The following PCDHGA2 variants were observed in gnomAD, a reference collection of about 807,000 sequenced individuals.
PCDHGA2 encodes the protein protocadherin gamma-A2.
Under a neutral mutation model 59.2 loss-of-function variants are expected in PCDHGA2, and 40 were observed. The ratio of observed to expected loss-of-function variants is 0.68; its 90% confidence interval spans 0.52 to 0.88. The LOEUF (loss-of-function observed/expected upper bound fraction) is 0.88, where lower values mean the gene tolerates loss of function less well. PCDHGA2 is among the 40% of genes least tolerant of loss of function. The probability of loss-of-function intolerance (pLI) is 0.00; values close to 1 mark genes in which losing one functional copy is unlikely to be tolerated. For synonymous variants in PCDHGA2, 560 were observed against 526.0 expected, an observed-to-expected ratio of 1.06 and a Z score of -0.89; for missense variants, 1,226 against 1,204.0, an observed-to-expected ratio of 1.02 and a Z score of -0.27.
chr5:141,415,982 T>A lies in PCDHGA2; in HGVS notation c.2424+74587T>A, dbSNP rs531852883. The A allele has an allele frequency of 1.9e-4, 66 of 342,492 alleles. 1 individual carries two copies. Among genetic ancestry groups the A allele is most frequent in the African/African-American group, 1.3e-3 (59 of 46,668 alleles). 21.2% of individuals were successfully genotyped at this position (342,492 alleles called of 1,614,324 possible). A position where few individuals can be genotyped will look rare whatever the true frequency, so the allele number is the denominator to read the frequency against. ...AACTCCAGCCCCTTAAGCAACCCTC[T>A]TGTTCTGAAGGCAGGTCTGGTAAGA... On this transcript the variant is annotated intron_variant, in intron 1 of 3. Transcript: ENST00000394576.
At chr5:141,356,187 T>A in intron 1 of PCDHGA2, 1 of 1,611,210 alleles carries the variant, frequency 6.2e-7, no homozygotes, top group Non-Finnish European at 8.5e-7. Flanking sequence ...GTCTCCGAGC[T>A]AGAAGCAAGG....
chr5:141,366,863 C>T, intron 1 of PCDHGA2: 2 of 1,430,882 alleles, frequency 1.4e-6, no homozygotes, highest in African/African-American at 1.4e-5. Flanking sequence ...ACATTATTTG[C>T]TGTATTGGAG....
intron 1 of PCDHGA2, chr5:141,410,275 C>A: frequency 6.2e-7 from 1 of 1,614,038 alleles, no homozygotes; most frequent in Non-Finnish European, 8.5e-7. Context: ...TGCAGTTTTA[C>A]CTGGTGGTGG....
chr5:141,418,123 C>A (rs1049456676), intron 1 of PCDHGA2: 8 of 1,613,914 alleles, frequency 5.0e-6, no homozygotes, highest in Admixed American at 3.3e-5. Flanking sequence ...TTGTGAAGGA[C>A]CGAATAGACC....
At chr5:141,445,805 A>G (rs2098478274) in intron 1 of PCDHGA2, among the ~76,000 whole-genome samples, 2 of 152,236 alleles carry the variant, frequency 1.3e-5, no homozygotes, top group South Asian at 4.1e-4. Flanking sequence ...GAAAATAAAT[A>G]GATGAAACTA....
chr5:141,433,592 T>C (rs1043652093), intron 1 of PCDHGA2, among the ~76,000 whole-genome samples: 5 of 152,020 alleles, frequency 3.3e-5, no homozygotes, highest in Non-Finnish European at 7.4e-5. Context: ...TCCCAGTACT[T>C]TGGGAGGCCG....
chr5:141,361,540 G>C, intron 1 of PCDHGA2: 2 of 1,614,018 alleles, frequency 1.2e-6, no homozygotes, highest in South Asian at 1.1e-5. Context: ...TCCTCCTGGC[G>C]CCTCTATCGC....
chr5:141,436,519 C>A (rs770168763), intron 1 of PCDHGA2, among the ~76,000 whole-genome samples: 2 of 152,140 alleles, frequency 1.3e-5, no homozygotes, highest in African/African-American at 2.4e-5. Context: ...TTAACTGTGT[C>A]ACCTTTAGCA....
At chr5:141,399,700 G>T (rs1354039219) in intron 1 of PCDHGA2, 1 of 1,613,422 alleles carries the variant, frequency 6.2e-7, no homozygotes. Flanking sequence ...GCGCACCTTC[G>T]AACTCACACT....
chr5:141,365,153 G>A, intron 1 of PCDHGA2: 1 of 1,613,872 alleles, frequency 6.2e-7, no homozygotes, highest in Non-Finnish European at 8.5e-7. Flanking sequence ...GGGAATAAAC[G>A]GGAAATTGAC....
intron 1 of PCDHGA2, chr5:141,478,834 A>G: frequency 7.0e-7 from 1 of 1,427,896 alleles, no homozygotes; most frequent in Non-Finnish European, 9.2e-7. Context: ...TTGCTAAGGG[A>G]TGGTTAAGCT....
intron 1 of PCDHGA2, chr5:141,365,167 C>A (rs201444039): frequency 2.5e-5 from 41 of 1,613,832 alleles, no homozygotes; most frequent in Non-Finnish European, 3.4e-5. Flanking sequence ...AATTGACCTA[C>A]TCTTTTCGCA....
rs1201654822 is a variant in PCDHGA2, at chr5:141,476,876, C to T, written c.2425-17931C>T. ...CCAGTCCTTGTACCGGGCGCGCGTC[C>T]TGGAGGATGCACCCTCCGGCACGCG... On this transcript the variant is annotated intron_variant, in intron 1 of 3. Transcript: ENST00000394576. The surrounding 1 kb of genome is among the most constrained non-coding windows in gnomAD (Gnocchi z 7.6). 6.2e-7 allele frequency: 1 copy of T among 1,613,876 alleles called. No homozygotes were observed. The highest frequency in any genetic ancestry group is 1.7e-5 in the Admixed American group (1 of 60,018).
At chr5:141,387,655 C>T (rs2091029456) in intron 1 of PCDHGA2, 1 of 644,664 alleles carries the variant, frequency 1.6e-6, no homozygotes, top group Admixed American at 3.3e-5. Context: ...AAGTGGAGAG[C>T]TTGGCGCTCC....
At chr5:141,438,583 CAT>C (rs1561889590) in intron 1 of PCDHGA2, among the ~76,000 whole-genome samples, 4 of 57,610 alleles carry the variant, frequency 6.9e-5, no homozygotes, top group African/African-American at 3.6e-4. Flanking sequence ...TACATACATA[CAT>C]ACATACATAT....
chr5:141,417,824 G>A (rs2096165363), intron 1 of PCDHGA2: 4 of 1,518,120 alleles, frequency 2.6e-6, no homozygotes, highest in Non-Finnish European at 3.5e-6. Context: ...TTCTCCAACT[G>A]GAAAAGCGGG....
Position 141,365,783 on chromosome 5 carries a change from G to T in PCDHGA2, c.2424+24388G>T, listed in dbSNP as rs906678928. 8 of 1,613,842 alleles carry T rather than the reference G, an allele frequency of 5.0e-6. No individual in the cohort carries two copies. Among genetic ancestry groups the T allele is most frequent in the Non-Finnish European group, 6.8e-6 (8 of 1,179,874 alleles). On this transcript the variant is annotated intron_variant, in intron 1 of 3. Transcript: ENST00000394576. ...CCATGACCCCGACAGCGGCGACAAC[G>T]CTCGAGTCACCTACTCCCTGGCTGA...
chr5:141,375,462 A>G, intron 1 of PCDHGA2: 2 of 1,613,908 alleles, frequency 1.2e-6, no homozygotes, highest in Non-Finnish European at 1.7e-6. Flanking sequence ...TACTCAGTCT[A>G]TGTCCTTGAA....
chr5:141,419,894 C>T (rs1590201850), intron 1 of PCDHGA2: 2 of 1,613,926 alleles, frequency 1.2e-6, no homozygotes, highest in East Asian at 2.2e-5. Flanking sequence ...CAGCGACCAT[C>T]CCACACCCTC....
Sources: gnomAD v4.1 joint callset for allele counts (sites outside exome capture counted in the v4.1 genomes callset) on GRCh38, gnomAD v4.1.1 for gene constraint, Gnocchi (gnomAD v3.1) non-coding constraint, MANE v1.5 for transcripts, NCBI Gene and HGNC (gene_info 2026-07-23, HGNC 2026-07-21) for gene names.